Variants in GOLGA1 observed in about 807,000 individuals in gnomAD.
GOLGA1 encodes the protein golgin subfamily A member 1.
Under a neutral mutation model 119.7 loss-of-function variants are expected in GOLGA1, and 63 were observed. That is an observed-to-expected ratio of 0.53 (90% CI 0.43 to 0.65). GOLGA1 has a LOEUF of 0.65. GOLGA1 is among the 30% of genes least tolerant of loss of function. GOLGA1 has a pLI of 0.00. For missense variants in GOLGA1, 798 were observed against 912.8 expected (o/e 0.87, Z 1.62); for synonymous variants, 318 against 333.4 (o/e 0.95, Z 0.50).
At chr9:124,882,712 A>C (rs1374478102) in intron 19 of GOLGA1, 143 bp from the exon 20 acceptor site, 6 of 675,058 alleles carry the variant, frequency 8.9e-6, no homozygotes, top group Non-Finnish European at 1.3e-5. Context: ...GCTGGTGCTC[A>C]GCTGTCGCAT....
At chr9:124,910,262 GCCATGTTGGC>G (rs2131447901) in intron 11 of GOLGA1, among the ~76,000 whole-genome samples, 1 of 150,618 alleles carries the variant, frequency 6.6e-6, no homozygotes, top group Admixed American at 6.6e-5. Context: ...GCGGGGTTTT[GCCATGTTGGC>G]CAGGCTGGTC....
intron 12 of GOLGA1, among the ~76,000 whole-genome samples, chr9:124,903,934 G>A (rs1204711672): frequency 6.6e-6 from 1 of 151,758 alleles, no homozygotes; most frequent in Non-Finnish European, 1.5e-5. Flanking sequence ...CTGTAGGCGC[G>A]CGCCTGTAGT....
At chr9:124,895,677 C>G (rs967820108) in intron 15 of GOLGA1, among the ~76,000 whole-genome samples, 4 of 150,664 alleles carry the variant, frequency 2.7e-5, no homozygotes, top group Non-Finnish European at 4.4e-5. Context: ...CAACAGAGAC[C>G]CTCCACAACA....
chr9:124,943,207 C>T (rs1387740087), upstream of GOLGA1: 1 of 152,192 alleles, frequency 6.6e-6, no homozygotes, highest in Non-Finnish European at 1.5e-5. Context: ...ATGATAGTGA[C>T]AGTATAATTT....
At position 124,900,489 on chromosome 9, in the gene GOLGA1, C is replaced by T. The variant is rs577867920; in HGVS notation, c.1124G>A (p.Gly375Asp). The T allele has an allele frequency of 6.2e-6, 10 of 1,602,130 alleles. No homozygotes were observed. In the African/African-American group the frequency reaches 1.3e-4, roughly 21 times the overall value. Residue 375 changes from glycine (G) to aspartate (D), a missense_variant, in exon 13 of 23, where the codon GGC becomes GAC. Coordinates refer to ENST00000373555, the MANE Select transcript of GOLGA1 (RefSeq NM_002077.4). ...CTGAGTTTCCTGGGCAGCCACAATG[C>T]CCTTGCTCTGTTGGAGCTGCTCCTC... ...ASEEQLQQSKGIVAAQETQIQ... is the reference protein window; with the variant it reads ...ASEEQLQQSKDIVAAQETQIQ...
intron 10 of GOLGA1, among the ~76,000 whole-genome samples, chr9:124,916,982 A>G (rs1371815629): frequency 6.6e-6 from 1 of 151,596 alleles, no homozygotes. Flanking sequence ...TAATTGAGAA[A>G]AAATAAATTA....
chr9:124,918,712 C>T (rs761513310), intron 10 of GOLGA1, among the ~76,000 whole-genome samples: 2 of 151,942 alleles, frequency 1.3e-5, no homozygotes, highest in Non-Finnish European at 2.9e-5. Flanking sequence ...GCCAAGATCA[C>T]GCCATTGCAC....
intron 6 of GOLGA1, among the ~76,000 whole-genome samples, chr9:124,927,837 A>C (rs567410562): frequency 9.8e-5 from 15 of 152,298 alleles, no homozygotes; most frequent in African/African-American, 3.1e-4. Flanking sequence ...CTCCAGGATA[A>C]AAGGCAAATG....
rs187394708 is a variant in GOLGA1 at position 124,879,036 on chromosome 9, G to A, written c.*1494C>T. The A allele has an allele frequency of 1.8e-4, 27 of 152,358 alleles. No homozygotes were observed. The highest frequency in any genetic ancestry group is 6.5e-4 in the African/African-American group (27 of 41,584). The allele number at this position is 152,358 out of a possible 1,614,324, so 9.4% of individuals were successfully genotyped here. On this transcript the variant is annotated 3_prime_UTR_variant, in exon 23 of 23. Transcript: ENST00000373555. ...CTGGAAGGCAGAGAGCCTGAGCTGG[G>A]ACTAAGGAGATGCTGCCCTGACTTG...
chr9:124,917,980 G>A (rs2131473832), intron 10 of GOLGA1, among the ~76,000 whole-genome samples: 1 of 152,180 alleles, frequency 6.6e-6, no homozygotes, highest in East Asian at 1.9e-4. Flanking sequence ...AGCCTCCCAA[G>A]TAGCTGGGAT....
chr9:124,884,713 C>G (rs1314059496), intron 19 of GOLGA1, among the ~76,000 whole-genome samples: 3 of 152,206 alleles, frequency 2.0e-5, no homozygotes, highest in Admixed American at 6.5e-5. Context: ...GCTTTGATTT[C>G]TATTCTCTTG....
At position 124,929,332 on chromosome 9, in the gene GOLGA1, C is replaced by T. The variant is rs767572147; in HGVS notation, c.227-42G>A. ...GACGCACATACCAGAAATGGACAAACATCAGGAAAGGAAGTTAATTAAACA... is the reference window on the plus strand; with the variant it reads ...GACGCACATACCAGAAATGGACAAATATCAGGAAAGGAAGTTAATTAAACA... On this transcript the variant is annotated intron_variant, in intron 4 of 22. Transcript: ENST00000373555. 1.7e-5 allele frequency: 20 copies of T among 1,201,300 alleles called. 1 individual carries two copies. The South Asian group carries it at 2.0e-4, about 12-fold the overall frequency. 74.4% of individuals were successfully genotyped at this position (1,201,300 alleles called of 1,614,324 possible).
upstream of GOLGA1, chr9:124,943,077 A>T (rs1204304863): frequency 6.6e-6 from 1 of 152,248 alleles, no homozygotes; most frequent in Non-Finnish European, 1.5e-5. Flanking sequence ...CATAACAGAC[A>T]AAGAAGAAAA....
intron 19 of GOLGA1, among the ~76,000 whole-genome samples, chr9:124,883,851 T>G (rs1179061489): frequency 6.6e-6 from 1 of 152,188 alleles, no homozygotes; most frequent in African/African-American, 2.4e-5. Flanking sequence ...ACCTCCCGAG[T>G]AGCTGGGACT....
intron 15 of GOLGA1, among the ~76,000 whole-genome samples, chr9:124,891,608 C>T (rs911888749): frequency 6.6e-6 from 1 of 152,060 alleles, no homozygotes; most frequent in Admixed American, 6.6e-5. Context: ...CAGGCTTCAG[C>T]AGTCCTCGCT....
chr9:124,921,030 G>T (rs1352924175), intron 10 of GOLGA1, 99 bp downstream of exon 10: 1 of 764,166 alleles, frequency 1.3e-6, no homozygotes, highest in African/African-American at 1.7e-5. Flanking sequence ...GACTGCATGA[G>T]AAATGTATGT....
rs1564323206 is a variant in GOLGA1, at chr9:124,889,541, G to A, written c.1498-5C>T. ...TATGGCTGTCAGGTTAGCTGCCTTG[G>A]AGAGAAAAATCAACAAGAGGGAAGG... On this transcript the variant is annotated splice_region_variant and splice_polypyrimidine_tract_variant and intron_variant, in intron 16 of 22. Transcript: ENST00000373555. 2.5e-6 allele frequency: 4 copies of A among 1,598,508 alleles called. No individual in the cohort carries two copies. The highest frequency in any genetic ancestry group is 3.4e-6 in the Non-Finnish European group (4 of 1,165,868).
rs760096663 is a variant in GOLGA1 at position 124,881,793 on chromosome 9, G to T, written c.2127C>A (p.Arg709=). Residue 709 remains arginine (R), a synonymous_variant, in exon 21 of 23, where the codon CGC becomes CGA. Transcript: ENST00000373555. This position sits in a 1 kb window ranked among gnomAD's most constrained non-coding sequence, Gnocchi z 4.9. ...KHVVLKFMSC[R]ESEAFHLIKA... is the part of the protein sequence containing the mutation. ...CTCAAAAGCCCTTTACCTCGGATTCGCGACAAGACATGAATTTTAAAACCA... is the reference window on the plus strand; with the variant it reads ...CTCAAAAGCCCTTTACCTCGGATTCTCGACAAGACATGAATTTTAAAACCA... 3 of 1,609,060 alleles carry T rather than the reference G, an allele frequency of 1.9e-6. 1 individual carries two copies. In the Admixed American group the frequency reaches 5.1e-5, roughly 27 times the overall value.
chr9:124,935,742 G>A (rs1442802857), intron 3 of GOLGA1, among the ~76,000 whole-genome samples: 4 of 140,102 alleles, frequency 2.9e-5, no homozygotes, highest in East Asian at 2.1e-4. Context: ...CAGCCTGGGC[G>A]ACACAGCAAG....
Sources: gnomAD v4.1 joint callset for allele counts (sites outside exome capture counted in the v4.1 genomes callset) on GRCh38, gnomAD v4.1.1 for gene constraint, Gnocchi (gnomAD v3.1) non-coding constraint, MANE v1.5 for transcripts, NCBI Gene and HGNC (gene_info 2026-07-23, HGNC 2026-07-21) for gene names.